PRICKLE3: variants seen among roughly 807,000 people sequenced by gnomAD.
PRICKLE3 encodes the protein LIM domain only protein 6.
PRICKLE3 carries 17 observed loss-of-function variants against 33.8 expected under a neutral mutation model. The ratio of observed to expected loss-of-function variants is 0.50; its 90% confidence interval spans 0.34 to 0.75. The LOEUF is 0.75. Among genes scored for constraint, PRICKLE3 ranks in the 30% least tolerant of loss-of-function variants. The probability of loss-of-function intolerance (pLI) is 0.01; values close to 1 mark genes in which losing one functional copy is unlikely to be tolerated. For missense variants in PRICKLE3, 573 were observed against 576.7 expected (o/e 0.99, Z 0.07); for synonymous variants, 211 against 219.6 (o/e 0.96, Z 0.34).
Position 49,178,624 on chromosome X carries a change from C to T in PRICKLE3, c.565-149G>A, listed in dbSNP as rs55940531. The T allele has an allele frequency of 1.4e-3, 772 of 543,113 alleles. 2 individuals are homozygous for T. Among genetic ancestry groups the T allele is most frequent in the Non-Finnish European group, 1.9e-3 (648 of 338,433 alleles). 44.8% of individuals were successfully genotyped at this position (543,113 alleles called of 1,213,427 possible). On this transcript the variant is annotated intron_variant, in intron 5 of 8. Coordinates refer to ENST00000599218, the MANE Select transcript of PRICKLE3 (RefSeq NM_006150.5). ...CCCATGGGGTAACTTTGACACAGGCCCTGCCTATACCAGGGATGGGGTTGG... is the reference window on the plus strand; with the variant it reads ...CCCATGGGGTAACTTTGACACAGGCTCTGCCTATACCAGGGATGGGGTTGG...
chrX:49,178,833 A>C (rs2065433757), intron 5 of PRICKLE3, among the ~76,000 whole-genome samples: 1 of 111,217 alleles, frequency 9.0e-6, no homozygotes, highest in African/African-American at 3.3e-5. Context: ...GATCTCACCT[A>C]ACAGTAGGAT....
intron 2 of PRICKLE3, 146 bp from the exon 3 acceptor site, chrX:49,184,063 G>C: frequency 1.4e-6 from 1 of 729,692 alleles, no homozygotes. Flanking sequence ...CCTGGGGGCA[G>C]GGCTGCAGGA....
rs201812536 is a variant in PRICKLE3 at position 49,179,798 on chromosome X, T to A, written c.321A>T (p.Gln107His). 18 of 1,102,255 alleles carry A rather than the reference T, an allele frequency of 1.6e-5. No homozygotes were observed. In the African/African-American group the frequency reaches 3.3e-4, roughly 20 times the overall value. The allele number at this position is 1,102,255 out of a possible 1,213,427, so 90.8% of individuals were successfully genotyped here. The part of the protein sequence containing the change: ...PPGLKPEQVY[Q>H]FFSCLPEDKV... Reference sequence around the variant, plus strand: ...TGTCCTCTGGGAGGCAGCTGAAAAATTGATATACCTGGGAGGACATAGGAG... The same window carrying A: ...TGTCCTCTGGGAGGCAGCTGAAAAAATGATATACCTGGGAGGACATAGGAG... Residue 107 changes from glutamine (Q) to histidine (H), a missense_variant, in exon 4 of 9, where the codon CAA (glutamine) becomes CAT (histidine). By Grantham distance (24) the Gln-to-His change is conservative. Coordinates refer to ENST00000599218, the MANE Select transcript of PRICKLE3 (RefSeq NM_006150.5).
rs142443359 is a variant in PRICKLE3, at chrX:49,175,922, T to C, written c.1599A>G (p.Gln533=). The change falls in exon 9 of 9, where the codon CAA becomes CAG. Residue 533 remains glutamine (Q), a synonymous_variant. Coordinates refer to ENST00000599218, the MANE Select transcript of PRICKLE3 (RefSeq NM_006150.5). ...NRHPSRRRHY[Q]CDAGSGSDSE... ...AGTCTGACCCTGATCCCGCGTCACA[T>C]TGATAGTGGCGACGTCTGCTTGGGT... The C allele has an allele frequency of 1.2e-5, 15 of 1,209,085 alleles. No individual in the cohort carries two copies. Among genetic ancestry groups the C allele is most frequent in the African/African-American group, 1.1e-4 (6 of 56,921 alleles).
chrX:49,174,831 CTTTT>C lies in PRICKLE3; in HGVS notation c.*838_*841del. ...AGGTAAAAGTGCCTTTATTGGGAGA[CTTTT>C]GTCTTCCAGCCTGCCAATCAACCCT... On this transcript the variant is annotated 3_prime_UTR_variant, in exon 9 of 9. Coordinates refer to ENST00000599218, the MANE Select transcript of PRICKLE3 (RefSeq NM_006150.5). 1.7e-6 allele frequency: 1 copy of C among 572,064 alleles called. No individual in the cohort carries two copies. Among genetic ancestry groups the C allele is most frequent in the Non-Finnish European group, 3.0e-6 (1 of 330,690 alleles). 47.1% of individuals were successfully genotyped at this position (572,064 alleles called of 1,213,427 possible). A position where few individuals can be genotyped will look rare whatever the true frequency, so the allele number is the denominator to read the frequency against.
At chrX:49,183,054 C>A (rs1231396981) in intron 3 of PRICKLE3, among the ~76,000 whole-genome samples, 1 of 111,581 alleles carries the variant, frequency 9.0e-6, no homozygotes, top group Non-Finnish European at 1.9e-5. Flanking sequence ...AAACTCCTGA[C>A]CTCAAGTAAT....
intron 2 of PRICKLE3, among the ~76,000 whole-genome samples, 159 bp downstream of exon 2, chrX:49,184,466 T>G (rs1249789849): frequency 2.7e-5 from 3 of 110,199 alleles, no homozygotes; most frequent in Non-Finnish European, 5.7e-5. Flanking sequence ...GGGGAATGAG[T>G]CAGGGGGCGG....
At chrX:49,182,556 T>C (rs1439743135) in intron 3 of PRICKLE3, among the ~76,000 whole-genome samples, 1 of 112,841 alleles carries the variant, frequency 8.9e-6, no homozygotes, top group Non-Finnish European at 1.9e-5. Context: ...GCATTAGCCA[T>C]GCCCTTTGCC....
In PRICKLE3 at chrX:49,183,793, C is replaced by T. The variant is rs2065469070; in HGVS notation, c.253G>A (p.Asp85Asn). Reference protein sequence around the residue: ...DFQRHSISDDDSGCASEEYAW... With the variant: ...DFQRHSISDDNSGCASEEYAW... ...TACTCCTCCGATGCACAGCCTGAGT[C>T]GTCGTCGGAGATGGAGTGGCGCTGG... Residue 85 changes from aspartate (D) to asparagine (N), a missense_variant, in exon 3 of 9, where the codon GAC (aspartate) becomes AAC (asparagine). Transcript: ENST00000599218. The T allele has an allele frequency of 3.3e-6, 4 of 1,209,563 alleles. No homozygotes were observed. Among genetic ancestry groups the T allele is most frequent in the Non-Finnish European group, 4.5e-6 (4 of 895,043 alleles).
intron 3 of PRICKLE3, 179 bp from the exon 4 acceptor site, chrX:49,179,985 G>A (rs2065440449): frequency 2.8e-6 from 1 of 357,186 alleles, no homozygotes; most frequent in Admixed American, 5.2e-5. Context: ...CAAACACGCT[G>A]AGGGTTCCTG....
chrX:49,183,861 G>A lies in PRICKLE3; in HGVS notation c.185C>T (p.Pro62Leu). The A allele has an allele frequency of 1.7e-6, 2 of 1,211,702 alleles. No individual in the cohort carries two copies. Among genetic ancestry groups the A allele is most frequent in the Non-Finnish European group, 2.2e-6 (2 of 895,417 alleles). Residue 62 changes from proline (P) to leucine (L), a missense_variant, in exon 3 of 9, where the codon CCT becomes CTT. Physicochemically the swap from Pro to Leu is moderately conservative, Grantham distance 98. Transcript: ENST00000599218. ...PREEHAVHAVPVDLERIMCRL... is the reference protein window; with the variant it reads ...PREEHAVHAVLVDLERIMCRL... ...ACACATGATGCGTTCCAGGTCCACA[G>A]GCACCGCGTGCACTGCATGCTCCTC...
intron 3 of PRICKLE3, among the ~76,000 whole-genome samples, chrX:49,181,382 G>A (rs5953271): frequency 4.5e-4 from 40 of 88,784 alleles, no homozygotes; most frequent in African/African-American, 1.8e-3. Flanking sequence ...ATATATATGT[G>A]TGTGTGTATA....
chrX:49,181,724 G>A (rs2065457492), intron 3 of PRICKLE3, among the ~76,000 whole-genome samples: 2 of 102,811 alleles, frequency 1.9e-5, no homozygotes, highest in Admixed American at 1.1e-4. Context: ...TGGGCTCACC[G>A]AAACCTCCGC....
At position 49,186,324 on chromosome X, in the gene PRICKLE3, G is replaced by A; in HGVS notation, c.-27C>T. 1 of 1,118,066 alleles carries A rather than the reference G, an allele frequency of 8.9e-7. No individual in the cohort carries two copies. Among genetic ancestry groups the A allele is most frequent in the East Asian group, 3.5e-5 (1 of 28,245 alleles). 92.1% of individuals were successfully genotyped at this position (1,118,066 alleles called of 1,213,427 possible). On this transcript the variant is annotated 5_prime_UTR_variant, in exon 1 of 9. Transcript: ENST00000599218. ...GCGCGCCCGGGCAGGGTCAAGCCGG[G>A]CCGGGTCAGGCGAATGTAATCCTTG... is the stretch of plus-strand genomic sequence containing the variant.
At position 49,175,119 on chromosome X, in the gene PRICKLE3, A is replaced by G; in HGVS notation, c.*554T>C. 9.7e-6 allele frequency: 2 copies of G among 205,962 alleles called. No individual in the cohort carries two copies. The highest frequency in any genetic ancestry group is 2.1e-4 in the South Asian group (2 of 9,442). 17.0% of individuals were successfully genotyped at this position (205,962 alleles called of 1,213,427 possible). A position where few individuals can be genotyped will look rare whatever the true frequency, so the allele number is the denominator to read the frequency against. ...AATGAATAAAGTAATCCTTTCATCA[A>G]ATGTGGGTAAATTTCAAGCATCAGG... On this transcript the variant is annotated 3_prime_UTR_variant, in exon 9 of 9. Coordinates refer to ENST00000599218, the MANE Select transcript of PRICKLE3 (RefSeq NM_006150.5).
In PRICKLE3 at chrX:49,175,485, G is replaced by T; in HGVS notation, c.*188C>A. Reference sequence around the variant, plus strand: ...TGCAGTGAGCCCTGATCACACCACTGCACTCCAGCCTGGGCAATAGGGTAG... The same window carrying T: ...TGCAGTGAGCCCTGATCACACCACTTCACTCCAGCCTGGGCAATAGGGTAG... On this transcript the variant is annotated 3_prime_UTR_variant, in exon 9 of 9. Transcript: ENST00000599218. The T allele has an allele frequency of 2.1e-6, 1 of 465,501 alleles. No homozygotes were observed. Among genetic ancestry groups the T allele is most frequent in the Non-Finnish European group, 3.6e-6 (1 of 278,021 alleles). 38.4% of individuals were successfully genotyped at this position (465,501 alleles called of 1,213,427 possible).
intron 3 of PRICKLE3, among the ~76,000 whole-genome samples, chrX:49,182,558 C>G (rs1337240077): frequency 8.9e-6 from 1 of 112,770 alleles, no homozygotes; most frequent in African/African-American, 3.2e-5. Context: ...ATTAGCCATG[C>G]CCTTTGCCTG....
chrX:49,180,035 C>CTTTT (rs150588040), intron 3 of PRICKLE3, among the ~76,000 whole-genome samples: 59 of 54,368 alleles, frequency 1.1e-3, no homozygotes, highest in South Asian at 2.0e-3. Flanking sequence ...TGCTGATCAC[C>CTTTT]TTTTTTTTTT....
At chrX:49,181,972 G>A (rs1161104340) in intron 3 of PRICKLE3, among the ~76,000 whole-genome samples, 10 of 104,168 alleles carry the variant, frequency 9.6e-5, no homozygotes, top group Non-Finnish European at 1.8e-4. Flanking sequence ...TTTGAGACAG[G>A]GTCTTGCTCT....
Sources: gnomAD v4.1 joint callset for allele counts (sites outside exome capture counted in the v4.1 genomes callset) on GRCh38, gnomAD v4.1.1 for gene constraint, MANE v1.5 for transcripts, NCBI Gene and HGNC (gene_info 2026-07-23, HGNC 2026-07-21) for gene names.